The following DCDC1 variants were observed in gnomAD, a reference collection of about 807,000 sequenced individuals.
DCDC1 encodes doublecortin domain containing 1, also known as doublecortin domain-containing protein 1.
In DCDC1, 200 loss-of-function variants were observed where a neutral mutation model predicts 178.3. That is an observed-to-expected ratio of 1.12 (90% CI 1.00 to 1.26). The LOEUF (loss-of-function observed/expected upper bound fraction) is 1.26. Ranked by LOEUF, DCDC1 falls within the 50% of genes most tolerant of loss-of-function variation. The probability of loss-of-function intolerance (pLI) is 0.00; values close to 1 mark genes in which losing one functional copy is unlikely to be tolerated. For missense variants in DCDC1, 1,983 were observed against 1,749.2 expected (o/e 1.13, Z -2.38); for synonymous variants, 690 against 604.8 (o/e 1.14, Z -2.07).
chr11:30,909,446 T>C (rs1945293713), intron 28 of DCDC1, among the ~76,000 whole-genome samples: 1 of 152,102 alleles, frequency 6.6e-6, no homozygotes, highest in African/African-American at 2.4e-5. Flanking sequence ...TAATCTCCAA[T>C]AGTTAAACAT....
chr11:31,176,273 G>C (rs540862481), intron 9 of DCDC1, among the ~76,000 whole-genome samples: 44 of 152,296 alleles, frequency 2.9e-4, no homozygotes, highest in African/African-American at 9.1e-4. Flanking sequence ...ATAATTGAGA[G>C]TTTCAATAGC....
chr11:31,023,338 A>G (rs1953012764), intron 20 of DCDC1, among the ~76,000 whole-genome samples: 2 of 152,122 alleles, frequency 1.3e-5, no homozygotes, highest in Non-Finnish European at 2.9e-5. Flanking sequence ...TTTTTCAGGC[A>G]TTTAAACCAA....
At chr11:31,142,356 A>C (rs942764127) in intron 9 of DCDC1, among the ~76,000 whole-genome samples, 4 of 152,200 alleles carry the variant, frequency 2.6e-5, no homozygotes, top group Non-Finnish European at 5.9e-5. Context: ...TTGGTTTGAA[A>C]AGTTTGAATG....
At chr11:31,014,267 C>T (rs1952351041) in intron 20 of DCDC1, among the ~76,000 whole-genome samples, 1 of 151,560 alleles carries the variant, frequency 6.6e-6, no homozygotes, top group South Asian at 2.1e-4. Context: ...GTTTCTTTCT[C>T]TCTTTTTCAT....
chr11:31,213,206 C>A (rs941091528), intron 9 of DCDC1, among the ~76,000 whole-genome samples: 1 of 142,844 alleles, frequency 7.0e-6, no homozygotes. Context: ...CCAAGAAAGG[C>A]ATGTGGCTCT....
At chr11:31,351,410 T>C (rs1951065369) in intron 1 of DCDC1, among the ~76,000 whole-genome samples, 1 of 152,252 alleles carries the variant, frequency 6.6e-6, no homozygotes, top group South Asian at 2.1e-4. Context: ...TTCAAATGTA[T>C]CCACTTTTTT....
intron 29 of DCDC1, among the ~76,000 whole-genome samples, chr11:30,908,010 A>T (rs1945191608): frequency 6.6e-6 from 1 of 152,276 alleles, no homozygotes; most frequent in South Asian, 2.1e-4. Context: ...TCAATGTAGG[A>T]AAAAATGATA....
Position 31,042,986 on chromosome 11 carries a change from G to C in DCDC1, c.2591+21483C>G, listed in dbSNP as rs533216816. 3.9e-5 allele frequency among the ~76,000 whole-genome samples: 6 copies of C among 152,304 alleles called. No homozygotes were observed. The East Asian group carries it at 9.6e-4, about 24-fold the overall frequency. On this transcript the variant is annotated intron_variant, in intron 20 of 38. Coordinates refer to ENST00000684477, the MANE Select transcript of DCDC1 (RefSeq NM_001387274.1). The stretch of plus-strand genomic sequence containing the variant: ...AATGCTTCTAGGCGACTTTGTAATT[G>C]TGAGAACATCATAGAGCGTACTCCA...
At chr11:30,994,258 C>T (rs1951130506) in intron 20 of DCDC1, among the ~76,000 whole-genome samples, 1 of 151,972 alleles carries the variant, frequency 6.6e-6, no homozygotes, top group Admixed American at 6.6e-5. Context: ...TAAATGCATT[C>T]GTAATAAAAA....
chr11:31,293,991 G>C (rs531654990), intron 6 of DCDC1, among the ~76,000 whole-genome samples: 1 of 152,000 alleles, frequency 6.6e-6, no homozygotes, highest in Non-Finnish European at 1.5e-5. Flanking sequence ...CCACTCTCTC[G>C]GCGAGACCTT....
chr11:31,282,912 T>C (rs1457209708), intron 7 of DCDC1, among the ~76,000 whole-genome samples: 1 of 152,200 alleles, frequency 6.6e-6, no homozygotes, highest in Non-Finnish European at 1.5e-5. Flanking sequence ...ATATCTGCTA[T>C]CTTCTGTCTT....
At chr11:30,998,896 C>T (rs1327601273) in intron 20 of DCDC1, among the ~76,000 whole-genome samples, 1 of 152,102 alleles carries the variant, frequency 6.6e-6, no homozygotes, top group Non-Finnish European at 1.5e-5. Context: ...ACCATCTTAA[C>T]CAAGTGATCA....
At chr11:30,881,064 A>G in intron 37 of DCDC1, 94 bp downstream of exon 37, 1 of 1,390,432 alleles carries the variant, frequency 7.2e-7, no homozygotes, top group Admixed American at 2.4e-5. Flanking sequence ...GATAATTATT[A>G]AAAATCATTG....
chr11:31,053,035 GA>G (rs1265556632), intron 20 of DCDC1, among the ~76,000 whole-genome samples: 1 of 151,972 alleles, frequency 6.6e-6, no homozygotes, highest in Admixed American at 6.6e-5. Flanking sequence ...AAAGATAAAT[GA>G]AACAAAAAGC....
intron 9 of DCDC1, among the ~76,000 whole-genome samples, chr11:31,183,731 G>A (rs755995234): frequency 1.3e-5 from 2 of 152,096 alleles, no homozygotes; most frequent in African/African-American, 2.4e-5. Flanking sequence ...GGATATGAAG[G>A]ACCTCTTCAA....
chr11:31,142,780 G>T (rs914990214), intron 9 of DCDC1, among the ~76,000 whole-genome samples: 1 of 152,072 alleles, frequency 6.6e-6, no homozygotes, highest in Non-Finnish European at 1.5e-5. Context: ...GGACTATGAA[G>T]AAGCACAAGA....
At chr11:31,039,486 G>A (rs1954294102) in intron 20 of DCDC1, among the ~76,000 whole-genome samples, 1 of 152,034 alleles carries the variant, frequency 6.6e-6, no homozygotes, top group African/African-American at 2.4e-5. Context: ...TCACTAATTT[G>A]TAAATTATGG....
chr11:31,337,253 AG>A (rs1297703369), intron 1 of DCDC1, among the ~76,000 whole-genome samples: 8 of 152,244 alleles, frequency 5.3e-5, no homozygotes, highest in African/African-American at 1.9e-4. Context: ...TGGGCCTTGC[AG>A]GGTTGAAGAA....
intron 20 of DCDC1, among the ~76,000 whole-genome samples, chr11:31,026,438 T>C (rs1953240047): frequency 6.6e-6 from 1 of 151,782 alleles, no homozygotes; most frequent in African/African-American, 2.4e-5. Flanking sequence ...GCTTTTCAAG[T>C]TTATGTGACT....
Sources: allele counts gnomAD v4.1 joint callset (sites outside exome capture counted in the v4.1 genomes callset), GRCh38; gene constraint gnomAD v4.1.1; transcripts MANE v1.5; gene names NCBI Gene and HGNC (gene_info 2026-07-23, HGNC 2026-07-21).